The following ABCC1 variants were observed in gnomAD, a reference collection of about 807,000 sequenced individuals.
ABCC1 encodes multidrug resistance-associated protein 1.
A neutral mutation model predicts 172.9 loss-of-function variants in ABCC1; 83 were observed. The ratio of observed to expected loss-of-function variants is 0.48; its 90% CI spans 0.40 to 0.58. The LOEUF (loss-of-function observed/expected upper bound fraction) is 0.58, where lower values mean the gene tolerates loss of function less well. ABCC1 is among the 20% of genes least tolerant of loss of function. ABCC1 has a pLI of 0.00. For missense variants in ABCC1, 1,817 were observed against 2,002.7 expected (o/e 0.91, Z 1.77); for synonymous variants, 937 against 825.2 (o/e 1.14, Z -2.32).
At chr16:16,038,936 CAG>C (rs1567337543) in intron 7 of ABCC1, among the ~76,000 whole-genome samples, 1 of 152,138 alleles carries the variant, frequency 6.6e-6, no homozygotes. Context: ...GGGAGGAGGA[CAG>C]AGTTTGAATC....
At chr16:15,971,146 G>A in intron 1 of ABCC1, among the ~76,000 whole-genome samples, 1 of 152,178 alleles carries the variant, frequency 6.6e-6, no homozygotes, top group Non-Finnish European at 1.5e-5. Context: ...TAGCAGCTAG[G>A]TATATGTACA....
chr16:15,997,151 GTGCAATCTCGGCTCAC>G (rs1434524886), intron 1 of ABCC1, among the ~76,000 whole-genome samples: 3 of 151,342 alleles, frequency 2.0e-5, no homozygotes, highest in Non-Finnish European at 4.4e-5. Flanking sequence ...GAGTGCAGTG[GTGCAATCTCGGCTCAC>G]TGCAACCTCT....
intron 7 of ABCC1, among the ~76,000 whole-genome samples, chr16:16,041,191 C>T (rs2048965867): frequency 6.6e-6 from 1 of 151,902 alleles, no homozygotes; most frequent in Non-Finnish European, 1.5e-5. Flanking sequence ...CTTGGTCTCC[C>T]AAAGTGCTGG....
At chr16:16,016,668 G>C (rs1482251024) in intron 5 of ABCC1, 47 bp downstream of exon 5, 6 of 1,609,258 alleles carry the variant, frequency 3.7e-6, no homozygotes, top group Non-Finnish European at 4.2e-6. Context: ...GTGTGAGAGA[G>C]ATGCGTGACA....
chr16:16,103,887 T>C (rs995238342), intron 20 of ABCC1, among the ~76,000 whole-genome samples: 3 of 152,130 alleles, frequency 2.0e-5, no homozygotes, highest in Non-Finnish European at 4.4e-5. Context: ...ACGGTGAGTG[T>C]TACAGTTCTT....
At chr16:16,089,925 G>C (rs2051173461) in intron 18 of ABCC1, among the ~76,000 whole-genome samples, 1 of 150,634 alleles carries the variant, frequency 6.6e-6, no homozygotes, top group Non-Finnish European at 1.5e-5. Flanking sequence ...TTTTGCTGTG[G>C]CACCATCCTT....
At chr16:16,122,517 G>A (rs1186923414) in intron 24 of ABCC1, among the ~76,000 whole-genome samples, 2 of 152,094 alleles carry the variant, frequency 1.3e-5, no homozygotes, top group Admixed American at 6.6e-5. Flanking sequence ...CCCGTCTGGG[G>A]GTGATCATGC....
chr16:16,013,944 C>T (rs1462697668), intron 3 of ABCC1, among the ~76,000 whole-genome samples: 5 of 152,042 alleles, frequency 3.3e-5, no homozygotes, highest in African/African-American at 9.7e-5. Flanking sequence ...AGGCTGACCC[C>T]GGGAACGTTG....
chr16:16,010,037 C>CTTTGTTTTTTTTTT (rs2047717606), intron 3 of ABCC1, 136 bp downstream of exon 3: 1 of 100,498 alleles, frequency 1.0e-5, no homozygotes, highest in African/African-American at 5.8e-5. Context: ...TAAATGTAGC[C>CTTTGTTTTTTTTTT]TTTTTTTTTT....
chr16:15,963,612 A>G (rs559315260), intron 1 of ABCC1, among the ~76,000 whole-genome samples: 8 of 152,266 alleles, frequency 5.3e-5, no homozygotes, highest in African/African-American at 1.9e-4. Flanking sequence ...TCAATACCAC[A>G]TGGAAGCTGC....
chr16:16,140,479 C>T (rs1567450037), intron 30 of ABCC1, among the ~76,000 whole-genome samples: 1 of 152,142 alleles, frequency 6.6e-6, no homozygotes, highest in Non-Finnish European at 1.5e-5. Flanking sequence ...GGATTATAGG[C>T]GTGAGTCTCT....
chr16:16,082,879 C>T (rs1423197940), intron 16 of ABCC1, among the ~76,000 whole-genome samples: 1 of 152,180 alleles, frequency 6.6e-6, no homozygotes, highest in Non-Finnish European at 1.5e-5. Context: ...AACTCCTGAC[C>T]TCAAGCAGTC....
In ABCC1 at chr16:16,138,540, C is replaced by G. The variant is rs2046005806; in HGVS notation, c.4469C>G (p.Thr1490Ser). Residue 1490 changes from threonine to serine, a missense_variant, in exon 30 of 31, where the codon ACC becomes AGC. Physicochemically the swap from Thr to Ser is moderately conservative, Grantham distance 58. This residue lies in a region of ABCC1 where 1,412 missense variants were observed against 1,600.3 expected (regional missense o/e 0.88). Transcript: ENST00000399410. ...CTCACCATCGCCCACCGGCTCAACA[C>G]CATCATGGACTACACAAGGTGATGC... is the stretch of plus-strand genomic sequence containing the variant. ...TVLTIAHRLN[T>S]IMDYTRVIVL... 12 of 1,596,736 alleles carry G rather than the reference C, an allele frequency of 7.5e-6. No homozygotes were observed. Among genetic ancestry groups the G allele is most frequent in the Non-Finnish European group, 9.4e-6 (11 of 1,166,662 alleles).
At position 15,960,995 on chromosome 16, in the gene ABCC1, C is replaced by A. The variant is rs182004221; in HGVS notation, c.48+11196C>A. Among the ~76,000 whole-genome samples the A allele has an allele frequency of 2.9e-5, 4 of 136,464 alleles. No individual in the cohort carries two copies. The Admixed American group carries it at 3.2e-4, about 11-fold the overall frequency. The allele number at this position is 136,464 out of a possible 152,430, so 89.5% of individuals were successfully genotyped here. On this transcript the variant is annotated intron_variant, in intron 1 of 30. Coordinates refer to ENST00000399410, the MANE Select transcript of ABCC1 (RefSeq NM_004996.4). ...CTGATCTGTTTATGTTTGAATGAAA[C>A]GCAGGTTTTTTTTTTTTTTTTTTTT...
At position 16,105,915 on chromosome 16, in the gene ABCC1, C is replaced by T. The variant is rs45549941; in HGVS notation, c.2736-823C>T. Among the ~76,000 whole-genome samples, 353 of 144,172 alleles carry T rather than the reference C, an allele frequency of 2.4e-3. 2 individuals are homozygous for T. Among genetic ancestry groups the T allele is most frequent in the Middle Eastern group, 3.8e-3 (1 of 262 alleles). The allele number at this position is 144,172 out of a possible 152,430, so 94.6% of individuals were successfully genotyped here. ...TTTTTGAGACAGGGTCTTACTCAGT[C>T]GCTGAGGCTGGAGTGCAGTGGTGCA... is the stretch of plus-strand genomic sequence containing the variant. On this transcript the variant is annotated intron_variant, in intron 20 of 30. Coordinates refer to ENST00000399410, the MANE Select transcript of ABCC1 (RefSeq NM_004996.4).
chr16:16,111,591 C>T lies in ABCC1; in HGVS notation c.3079+9C>T. The T allele has an allele frequency of 6.2e-7, 1 of 1,609,654 alleles. No individual in the cohort carries two copies. Among genetic ancestry groups the T allele is most frequent in the African/African-American group, 1.3e-5 (1 of 74,934 alleles). ...CCTGGGCATTTCACAAGGTTGGTGC[C>T]GCTGTCTCCCACCCCGCCTGATTTG... On this transcript the variant is annotated intron_variant, in intron 22 of 30. Coordinates refer to ENST00000399410, the MANE Select transcript of ABCC1 (RefSeq NM_004996.4).
intron 1 of ABCC1, among the ~76,000 whole-genome samples, chr16:15,984,874 G>C (rs1415071801): frequency 6.6e-6 from 1 of 152,184 alleles, no homozygotes; most frequent in Non-Finnish European, 1.5e-5. Context: ...AGGTGAAGGT[G>C]GGAGGATTGC....
intron 13 of ABCC1, among the ~76,000 whole-genome samples, chr16:16,071,141 T>C (rs918496284): frequency 3.9e-5 from 6 of 152,246 alleles, no homozygotes; most frequent in Admixed American, 3.9e-4. Flanking sequence ...TGGAGTGCAG[T>C]GGCATGATCT....
At chr16:15,999,836 C>CTCTTTCTTTCTTTCTTTCTTTCTT (rs375541317) in intron 1 of ABCC1, among the ~76,000 whole-genome samples, 558 of 16,788 alleles carry the variant, frequency 0.033, 53 homozygotes, top group Middle Eastern at 0.11. Flanking sequence ...CTCTCTCTGT[C>CTCTTTCTTTCTTTCTTTCTTTCTT]TCTTTCTTTC....
Sources: gnomAD v4.1 joint callset for allele counts (sites outside exome capture counted in the v4.1 genomes callset) on GRCh38, gnomAD v4.1.1 for gene constraint, gnomAD v4.1.1 regional missense constraint, MANE v1.5 for transcripts, NCBI Gene and HGNC (gene_info 2026-07-23, HGNC 2026-07-21) for gene names.